Variants in ITGA5 observed in about 807,000 individuals in gnomAD.
ITGA5 encodes integrin subunit alpha 5, also known as integrin alpha-5.
ITGA5 carries 55 observed loss-of-function variants against 146.3 expected under a neutral mutation model. That is an observed-to-expected ratio of 0.38 (90% CI 0.30 to 0.47). The LOEUF (loss-of-function observed/expected upper bound fraction) is 0.47, where lower values mean the gene tolerates loss of function less well. Among genes scored for constraint, ITGA5 ranks in the 20% least tolerant of loss-of-function variants. ITGA5 has a pLI of 0.99. For synonymous variants in ITGA5, 500 were observed against 531.8 expected (o/e 0.94, Z 0.82); for missense variants, 1,131 against 1,329.0 (o/e 0.85, Z 2.32).
intron 6 of ITGA5, among the ~76,000 whole-genome samples, chr12:54,408,442 A>G (rs570608620): frequency 6.6e-6 from 1 of 152,152 alleles, no homozygotes; most frequent in South Asian, 2.1e-4. Flanking sequence ...GAATGGCAGA[A>G]ACAGGCAGGG....
rs1020184982 is a variant in ITGA5, at chr12:54,409,982, C to G, written c.350-385G>C. Among the ~76,000 whole-genome samples, 1 of 151,744 alleles carries G rather than the reference C, an allele frequency of 6.6e-6. No individual in the cohort carries two copies. Among genetic ancestry groups the G allele is most frequent in the African/African-American group, 2.4e-5 (1 of 41,322 alleles). On this transcript the variant is annotated intron_variant, in intron 2 of 29. Transcript: ENST00000293379. This position sits in a 1 kb window ranked among gnomAD's most constrained non-coding sequence, Gnocchi z 4.7. ...AGGGATTCTCCTGCCTCAGCCTCCT[C>G]AGTAGCTGGGATTACAGGTGCGCGT... is the stretch of plus-strand genomic sequence containing the variant.
intron 27 of ITGA5, 144 bp downstream of exon 27, chr12:54,399,500 TG>T: frequency 1.6e-6 from 1 of 640,466 alleles, no homozygotes. Context: ...ACATACAGCC[TG>T]GTCTAGACAA....
At position 54,405,174 on chromosome 12, in the gene ITGA5, C is replaced by T; in HGVS notation, c.1217G>A (p.Gly406Asp). ...GAGCCCATGGTACTCACCATTGTAG[C>T]CATCCTGGTCCAGGTCCCCCAGGGG... ...LTPLGDLDQD[G>D]YNDVAIGAPF... The change falls in exon 12 of 30, where the codon GGC becomes GAC. Residue 406 changes from glycine to aspartate, a missense_variant. Coordinates refer to ENST00000293379, the MANE Select transcript of ITGA5 (RefSeq NM_002205.5). 7 of 1,598,984 alleles carry T rather than the reference C, an allele frequency of 4.4e-6. No homozygotes were observed. Among genetic ancestry groups the T allele is most frequent in the Non-Finnish European group, 5.1e-6 (6 of 1,170,480 alleles).
chr12:54,417,314 A>G (rs1482121697), intron 1 of ITGA5, among the ~76,000 whole-genome samples: 3 of 151,944 alleles, frequency 2.0e-5, no homozygotes, highest in Non-Finnish European at 4.4e-5. Flanking sequence ...CCAGACAACT[A>G]GATACTCTGA....
At position 54,402,979 on chromosome 12, in the gene ITGA5, T is replaced by G; in HGVS notation, c.1982+4A>C. 6.2e-7 allele frequency: 1 copy of G among 1,613,902 alleles called. No individual in the cohort carries two copies. The highest frequency in any genetic ancestry group is 8.5e-7 in the Non-Finnish European group (1 of 1,179,790). ...CTCCCTAGCTTACCGTCAGCCCTAC[T>G]TACCCAAACACTTCCAGCTGCAGGT... On this transcript the variant is annotated splice_donor_region_variant and intron_variant, in intron 19 of 29. Coordinates refer to ENST00000293379, the MANE Select transcript of ITGA5 (RefSeq NM_002205.5).
At position 54,396,126 on chromosome 12, in the gene ITGA5, G is replaced by C. The variant is rs1955705685; in HGVS notation, c.*167C>G. 4 of 600,352 alleles carry C rather than the reference G, an allele frequency of 6.7e-6. No individual in the cohort carries two copies. In the Admixed American group the frequency reaches 1.2e-4, roughly 18 times the overall value. The allele number at this position is 600,352 out of a possible 1,614,324, so 37.2% of individuals were successfully genotyped here. ...AGTGCATGGGGGGGAGGGATCCCCA[G>C]CTCCTCACCCCCCTGGCTCTGGCCC... On this transcript the variant is annotated 3_prime_UTR_variant, in exon 30 of 30. Coordinates refer to ENST00000293379, the MANE Select transcript of ITGA5 (RefSeq NM_002205.5).
At chr12:54,408,089 C>G in intron 7 of ITGA5, 21 bp downstream of exon 7, 1 of 1,613,866 alleles carries the variant, frequency 6.2e-7, no homozygotes, top group East Asian at 2.2e-5. Context: ...TCTGCCATCC[C>G]TTCCCCACTT....
chr12:54,418,642 C>G (rs1565646446), intron 1 of ITGA5, among the ~76,000 whole-genome samples: 1 of 151,170 alleles, frequency 6.6e-6, no homozygotes, highest in African/African-American at 2.4e-5. Flanking sequence ...TCCCAGCAGC[C>G]CACAGACTTC....
intron 28 of ITGA5, among the ~76,000 whole-genome samples, 188 bp downstream of exon 28, chr12:54,398,409 A>G (rs546548581): frequency 2.0e-5 from 3 of 152,322 alleles, no homozygotes; most frequent in African/African-American, 4.8e-5. Flanking sequence ...GACTGTGAAC[A>G]CCAGGAGCAA....
At position 54,398,579 on chromosome 12, in the gene ITGA5, C is replaced by G; in HGVS notation, c.2943+18G>C. On this transcript the variant is annotated intron_variant, in intron 28 of 29. Coordinates refer to ENST00000293379, the MANE Select transcript of ITGA5 (RefSeq NM_002205.5). Reference sequence around the variant, plus strand: ...GAGCCCTGTATTCCCTCATCCAGTCCTCTGGCCCTAGACTCACCTGACGCT... The same window carrying G: ...GAGCCCTGTATTCCCTCATCCAGTCGTCTGGCCCTAGACTCACCTGACGCT... 1.3e-6 allele frequency: 2 copies of G among 1,583,778 alleles called. No individual in the cohort carries two copies. Among genetic ancestry groups the G allele is most frequent in the Admixed American group, 1.7e-5 (1 of 59,184 alleles).
intron 25 of ITGA5, 140 bp from the exon 26 acceptor site, chr12:54,400,087 A>C (rs918599443): frequency 4.6e-5 from 30 of 651,832 alleles, no homozygotes; most frequent in Admixed American, 1.0e-4. Flanking sequence ...TCCTATGCGC[A>C]AGGCACTGAG....
At chr12:54,414,849 A>T (rs1162258214) in intron 1 of ITGA5, among the ~76,000 whole-genome samples, 1 of 150,094 alleles carries the variant, frequency 6.7e-6, no homozygotes, top group Non-Finnish European at 1.5e-5. Flanking sequence ...CCTTCTCAAC[A>T]ACAACAACAA....
intron 1 of ITGA5, 79 bp from the exon 2 acceptor site, chr12:54,412,043 C>T (rs1955952246): frequency 3.9e-6 from 5 of 1,265,928 alleles, no homozygotes; most frequent in East Asian, 2.8e-5. Context: ...GGACCCAGGC[C>T]TCTAGGCTGG....
At chr12:54,400,783 A>C in intron 25 of ITGA5, 63 bp downstream of exon 25, 2 of 1,552,140 alleles carry the variant, frequency 1.3e-6, no homozygotes, top group South Asian at 1.2e-5. Context: ...AACCTTCCCC[A>C]ACCCCTCAGC....
chr12:54,402,163 C>T lies in ITGA5; in HGVS notation c.2133+17G>A, dbSNP rs773081470. 71 of 1,613,034 alleles carry T rather than the reference C, an allele frequency of 4.4e-5. No individual in the cohort carries two copies. The highest frequency in any genetic ancestry group is 8.9e-5 in the East Asian group (4 of 44,846). ...GAGGGGTATCCTCCCAAATCCCACT[C>T]GAGAGTCTCATCTCACCCCTGGGTG... On this transcript the variant is annotated intron_variant, in intron 20 of 29. Coordinates refer to ENST00000293379, the MANE Select transcript of ITGA5 (RefSeq NM_002205.5).
Position 54,396,210 on chromosome 12 carries a change from G to A in ITGA5, c.*83C>T, listed in dbSNP as rs907167498. ...TCTCCCTGGCCGTCAGCACCTTCAA[G>A]AAGTACCCAGACCCCTCCTTTTCAG... On this transcript the variant is annotated 3_prime_UTR_variant, in exon 30 of 30. Transcript: ENST00000293379. 4.4e-6 allele frequency: 5 copies of A among 1,146,730 alleles called. No homozygotes were observed. The allele number at this position is 1,146,730 out of a possible 1,614,324, so 71.0% of individuals were successfully genotyped here.
intron 19 of ITGA5, 43 bp downstream of exon 19, chr12:54,402,940 A>C: frequency 6.6e-6 from 10 of 1,523,336 alleles, no homozygotes; most frequent in Non-Finnish European, 9.1e-6. Context: ...TTCAGGTGCC[A>C]GGTGCACCTG....
In ITGA5 at chr12:54,405,057, G is replaced by A. The variant is rs537857596; in HGVS notation, c.1225+109C>T. On this transcript the variant is annotated intron_variant, in intron 12 of 29. Coordinates refer to ENST00000293379, the MANE Select transcript of ITGA5 (RefSeq NM_002205.5). ...CCAGACAGTGGGATTTTAACCCCTC[G>A]GGAAGTCGTGGAGGTCTGGGTATCT... 78 of 1,230,876 alleles carry A rather than the reference G, an allele frequency of 6.3e-5. No individual in the cohort carries two copies. The South Asian group carries it at 9.1e-4, about 14-fold the overall frequency. 76.2% of individuals were successfully genotyped at this position (1,230,876 alleles called of 1,614,324 possible).
chr12:54,418,692 T>C (rs578068586), intron 1 of ITGA5, among the ~76,000 whole-genome samples: 1 of 139,778 alleles, frequency 7.2e-6, no homozygotes, highest in South Asian at 2.5e-4. Context: ...CGCTCTCCTC[T>C]CCCTTGGCCC....
Sources: allele counts gnomAD v4.1 joint callset (sites outside exome capture counted in the v4.1 genomes callset), GRCh38; gene constraint gnomAD v4.1.1; non-coding constraint Gnocchi (gnomAD v3.1); transcripts MANE v1.5; gene names NCBI Gene and HGNC (gene_info 2026-07-23, HGNC 2026-07-21).